ERC2: variants seen among roughly 807,000 people sequenced by gnomAD.
The protein encoded by ERC2 is ERC protein 2.
ERC2 carries 42 observed loss-of-function variants against 114.8 expected under a neutral mutation model. The observed-to-expected ratio is 0.37, with a 90% CI of 0.29 to 0.47. The LOEUF is 0.47. ERC2 is among the 20% of genes least tolerant of loss of function. The probability of loss-of-function intolerance (pLI) is 0.99; values close to 1 mark genes in which losing one functional copy is unlikely to be tolerated. For synonymous variants in ERC2, 454 were observed against 425.5 expected (o/e 1.07, Z -0.82); for missense variants, 939 against 1,150.7 (o/e 0.82, Z 2.66).
intron 14 of ERC2, among the ~76,000 whole-genome samples, chr3:55,843,635 G>A (rs1176725699): frequency 6.6e-6 from 1 of 152,200 alleles, no homozygotes; most frequent in East Asian, 1.9e-4. Context: ...CTGAAGGCTT[G>A]AAATATTTTA....
chr3:55,605,774 T>C (rs1445147047), intron 17 of ERC2, among the ~76,000 whole-genome samples: 1 of 152,192 alleles, frequency 6.6e-6, no homozygotes, highest in African/African-American at 2.4e-5. Context: ...ACAATTTCCT[T>C]AGAACTCAGG....
intron 2 of ERC2, among the ~76,000 whole-genome samples, chr3:56,368,156 A>T (rs2059222565): frequency 6.6e-6 from 1 of 150,666 alleles, no homozygotes; most frequent in Non-Finnish European, 1.5e-5. Context: ...TTGAATCTAC[A>T]ATAAAAGTTG....
At chr3:56,109,113 G>A (rs927812140) in intron 6 of ERC2, among the ~76,000 whole-genome samples, 7 of 151,722 alleles carry the variant, frequency 4.6e-5, no homozygotes, top group East Asian at 1.9e-4. Context: ...TTATTTCATC[G>A]CCCAGGTACT....
chr3:55,779,325 T>TACAAAAAAA (rs2068847467), intron 14 of ERC2, among the ~76,000 whole-genome samples: 1 of 28,264 alleles, frequency 3.5e-5, no homozygotes, highest in Non-Finnish European at 7.5e-5. Flanking sequence ...CTACTAAAAA[T>TACAAAAAAA]ACAAAAAAAA....
chr3:56,191,644 GAC>G (rs1281070746), intron 3 of ERC2, among the ~76,000 whole-genome samples: 1 of 152,072 alleles, frequency 6.6e-6, no homozygotes, highest in Non-Finnish European at 1.5e-5. Flanking sequence ...GCAAACCCAA[GAC>G]AGAAAACCGT....
chr3:55,886,705 CAT>C (rs1363507328), intron 14 of ERC2, among the ~76,000 whole-genome samples: 2 of 152,170 alleles, frequency 1.3e-5, no homozygotes, highest in African/African-American at 4.8e-5. Flanking sequence ...AATTCATACA[CAT>C]ATTCCACAAC....
chr3:56,316,246 T>C (rs189706752), intron 2 of ERC2, among the ~76,000 whole-genome samples: 28 of 152,336 alleles, frequency 1.8e-4, no homozygotes, highest in African/African-American at 6.0e-4. Context: ...TTTTATTTCT[T>C]TATTTCAGAA....
At chr3:55,711,026 A>G (rs1416705404) in intron 15 of ERC2, among the ~76,000 whole-genome samples, 1 of 152,140 alleles carries the variant, frequency 6.6e-6, no homozygotes, top group Admixed American at 6.5e-5. Flanking sequence ...TGAGTCCACC[A>G]TGTCCATGAC....
intron 14 of ERC2, among the ~76,000 whole-genome samples, chr3:55,779,852 C>CGGCAAA (rs2068899771): frequency 6.6e-6 from 1 of 151,828 alleles, no homozygotes; most frequent in Non-Finnish European, 1.5e-5. Flanking sequence ...ATTCCTACCA[C>CGGCAAA]GGCAAATTAT....
At chr3:56,266,045 T>TAAAATAAAATAAAATAAAATAAAATAA (rs2053275235) in intron 3 of ERC2, among the ~76,000 whole-genome samples, 1 of 61,084 alleles carries the variant, frequency 1.6e-5, no homozygotes, top group African/African-American at 6.1e-5. Flanking sequence ...TAAAATAAAA[T>TAAAATAAAATAAAATAAAATAAAATAA]AAAATAAAAT....
intron 1 of ERC2, among the ~76,000 whole-genome samples, chr3:56,437,900 C>T (rs1425030234): frequency 6.6e-6 from 1 of 152,198 alleles, no homozygotes; most frequent in Non-Finnish European, 1.5e-5. Flanking sequence ...TTGTGATTTA[C>T]TCACACTGTT....
At chr3:56,396,516 T>C (rs906144644) in intron 2 of ERC2, among the ~76,000 whole-genome samples, 4 of 152,168 alleles carry the variant, frequency 2.6e-5, no homozygotes, top group African/African-American at 9.7e-5. Flanking sequence ...CCAAGATGTA[T>C]TGTTCAACAA....
chr3:55,794,902 C>T (rs1176967754), intron 14 of ERC2, among the ~76,000 whole-genome samples: 1 of 152,110 alleles, frequency 6.6e-6, no homozygotes, highest in Non-Finnish European at 1.5e-5. Context: ...ATTACATTTA[C>T]CAAATGTTTG....
intron 14 of ERC2, among the ~76,000 whole-genome samples, chr3:55,876,371 T>C (rs1274874944): frequency 1.3e-5 from 2 of 152,118 alleles, no homozygotes; most frequent in African/African-American, 4.8e-5. Flanking sequence ...GCATCTGGCA[T>C]CCAGGCAGCA....
intron 4 of ERC2, among the ~76,000 whole-genome samples, chr3:56,160,559 T>C (rs950829296): frequency 2.0e-5 from 3 of 152,194 alleles, no homozygotes; most frequent in Non-Finnish European, 4.4e-5. Context: ...ACAAGGCCAA[T>C]GTCCAGCATG....
intron 14 of ERC2, among the ~76,000 whole-genome samples, chr3:55,756,844 A>T (rs1269464275): frequency 6.6e-6 from 1 of 152,152 alleles, no homozygotes; most frequent in African/African-American, 2.4e-5. Context: ...CCACCTTAAG[A>T]GTTCCCTCCC....
chr3:56,007,050 T>G (rs981678034), intron 10 of ERC2, 131 bp downstream of exon 10: 20 of 753,538 alleles, frequency 2.7e-5, no homozygotes, highest in Non-Finnish European at 4.1e-5. Flanking sequence ...GTTAAGAGTA[T>G]TTAATTAATT....
chr3:55,739,973 G>A (rs936923441), intron 14 of ERC2, among the ~76,000 whole-genome samples: 1 of 152,034 alleles, frequency 6.6e-6, no homozygotes, highest in Non-Finnish European at 1.5e-5. Context: ...TTTCCTGCAT[G>A]TGGCTAGCCA....
chr3:55,890,282 C>CA (rs1442116122), intron 13 of ERC2, among the ~76,000 whole-genome samples: 3 of 152,084 alleles, frequency 2.0e-5, no homozygotes, highest in East Asian at 1.9e-4. Context: ...CAGTGACCCC[C>CA]AAAAAATCAG....
Sources: allele counts gnomAD v4.1 joint callset (sites outside exome capture counted in the v4.1 genomes callset), GRCh38; gene constraint gnomAD v4.1.1; transcripts MANE v1.5; gene names NCBI Gene and HGNC (gene_info 2026-07-23, HGNC 2026-07-21).